BAALC: variants seen among roughly 807,000 people sequenced by gnomAD.
BAALC encodes the protein brain and acute leukemia cytoplasmic protein.
In BAALC, 9 loss-of-function variants were observed where a neutral mutation model predicts 15.5. That is an observed-to-expected ratio of 0.58 (90% CI 0.35 to 1.02). The LOEUF (loss-of-function observed/expected upper bound fraction) is 1.02. BAALC is among the 50% of genes least tolerant of loss of function. The pLI, the probability that BAALC is intolerant of heterozygous loss-of-function variation, is 0.02. For synonymous variants in BAALC, 80 were observed against 74.6 expected (o/e 1.07, Z -0.37); for missense variants, 201 against 192.4 (o/e 1.04, Z -0.27).
intron 1 of BAALC, among the ~76,000 whole-genome samples, chr8:103,206,325 TC>T (rs1472832409): frequency 3.9e-5 from 6 of 152,172 alleles, no homozygotes; most frequent in African/African-American, 1.4e-4. Context: ...TCCATTCTCC[TC>T]AGTTCCCTGA....
intron 1 of BAALC, among the ~76,000 whole-genome samples, chr8:103,160,093 T>G (rs1243676879): frequency 2.0e-5 from 3 of 152,192 alleles, no homozygotes; most frequent in Non-Finnish European, 4.4e-5. Context: ...CTTTGTCTTA[T>G]ATATGTAACA....
At chr8:103,222,816 ATTG>A (rs1812708568) in intron 2 of BAALC, among the ~76,000 whole-genome samples, 1 of 152,160 alleles carries the variant, frequency 6.6e-6, no homozygotes, top group Non-Finnish European at 1.5e-5. Context: ...TTTTAGAGTT[ATTG>A]TTGTTGCCAT....
At chr8:103,198,195 CA>C in intron 1 of BAALC, 1 of 696,870 alleles carries the variant, frequency 1.4e-6, no homozygotes. Context: ...GTAAAATAGG[CA>C]TTGCAATGTA....
chr8:103,181,568 G>A (rs989876185), intron 1 of BAALC, among the ~76,000 whole-genome samples: 4 of 152,072 alleles, frequency 2.6e-5, no homozygotes, highest in South Asian at 4.1e-4. Flanking sequence ...CACCTCGCCC[G>A]GCCAGGAATA....
At chr8:103,165,529 A>G (rs1455329867) in intron 1 of BAALC, 1 of 152,192 alleles carries the variant, frequency 6.6e-6, no homozygotes, top group Non-Finnish European at 1.5e-5. Flanking sequence ...CCAAATAATC[A>G]TTGAGTACAA....
At chr8:103,158,691 T>C (rs1310179943) in intron 1 of BAALC, among the ~76,000 whole-genome samples, 2 of 151,690 alleles carry the variant, frequency 1.3e-5, no homozygotes, top group Non-Finnish European at 2.9e-5. Context: ...ATACAATACA[T>C]ACATACATAC....
intron 1 of BAALC, among the ~76,000 whole-genome samples, chr8:103,207,893 C>G (rs1812365538): frequency 6.6e-6 from 1 of 152,178 alleles, no homozygotes; most frequent in South Asian, 2.1e-4. Flanking sequence ...TAAATAAAAT[C>G]CATGCAGCAA....
At chr8:103,217,421 A>G (rs1424561184) in intron 2 of BAALC, among the ~76,000 whole-genome samples, 3 of 151,920 alleles carry the variant, frequency 2.0e-5, no homozygotes, top group African/African-American at 4.8e-5. Context: ...TTGCCCAAAG[A>G]AAATACTTTT....
intron 1 of BAALC, among the ~76,000 whole-genome samples, chr8:103,177,231 C>T (rs1811627934): frequency 6.6e-6 from 1 of 151,232 alleles, no homozygotes; most frequent in Non-Finnish European, 1.5e-5. Context: ...TTCTATTGCC[C>T]AGTGGGGTGC....
At chr8:103,153,993 AC>A (rs963850625) in intron 1 of BAALC, among the ~76,000 whole-genome samples, 16 of 152,140 alleles carry the variant, frequency 1.1e-4, no homozygotes, top group Non-Finnish European at 2.2e-4. Flanking sequence ...ACCTCAATAA[AC>A]AACTGGCATG....
chr8:103,169,028 G>A (rs1235269406), intron 1 of BAALC, among the ~76,000 whole-genome samples: 3 of 151,788 alleles, frequency 2.0e-5, no homozygotes, highest in Non-Finnish European at 4.4e-5. Flanking sequence ...CGTTCCTCCT[G>A]CCCCCATCTC....
At chr8:103,215,687 C>T (rs542153907) in intron 2 of BAALC, among the ~76,000 whole-genome samples, 34 of 152,318 alleles carry the variant, frequency 2.2e-4, no homozygotes, top group Non-Finnish European at 2.8e-4. Flanking sequence ...GAACGCATTT[C>T]GTGTCTCTGC....
chr8:103,167,832 G>A (rs1047356948), intron 1 of BAALC, among the ~76,000 whole-genome samples: 4 of 152,070 alleles, frequency 2.6e-5, no homozygotes, highest in African/African-American at 9.7e-5. Context: ...GCCTTGGATG[G>A]GTTTTGAGCA....
chr8:103,162,440 G>A (rs1187038384), intron 1 of BAALC, among the ~76,000 whole-genome samples: 1 of 152,120 alleles, frequency 6.6e-6, no homozygotes, highest in Admixed American at 6.5e-5. Context: ...GGACTGGTTG[G>A]GCATCTCTCT....
chr8:103,218,297 C>T (rs1812606755), intron 2 of BAALC, among the ~76,000 whole-genome samples: 2 of 152,136 alleles, frequency 1.3e-5, no homozygotes, highest in South Asian at 4.1e-4. Context: ...CTGACTGTCT[C>T]AGTGGGGAGC....
intron 1 of BAALC, among the ~76,000 whole-genome samples, chr8:103,164,930 C>A (rs1268356827): frequency 3.3e-5 from 5 of 152,022 alleles, no homozygotes; most frequent in Non-Finnish European, 5.9e-5. Flanking sequence ...ATTACCTGTC[C>A]CCTAAAAAGG....
chr8:103,177,499 A>G (rs560890222), intron 1 of BAALC, among the ~76,000 whole-genome samples: 2 of 152,202 alleles, frequency 1.3e-5, no homozygotes, highest in South Asian at 4.1e-4. Context: ...CTTCTTCTCT[A>G]GATAGCCACC....
intron 1 of BAALC, among the ~76,000 whole-genome samples, chr8:103,173,706 T>A (rs1367716452): frequency 6.6e-6 from 1 of 152,200 alleles, no homozygotes; most frequent in Non-Finnish European, 1.5e-5. Flanking sequence ...AAGCCAGAGA[T>A]TTCCAAACTT....
intron 1 of BAALC, among the ~76,000 whole-genome samples, chr8:103,212,161 T>C (rs1812460046): frequency 6.6e-6 from 1 of 152,176 alleles, no homozygotes; most frequent in Non-Finnish European, 1.5e-5. Flanking sequence ...AATCTCTGTA[T>C]TGGCCAAGCA....
Sources: gnomAD v4.1 joint callset for allele counts (sites outside exome capture counted in the v4.1 genomes callset) on GRCh38, gnomAD v4.1.1 for gene constraint, MANE v1.5 for transcripts, NCBI Gene and HGNC (gene_info 2026-07-23, HGNC 2026-07-21) for gene names.